The following CTNNA2 variants were observed in gnomAD, a reference collection of about 807,000 sequenced individuals.
CTNNA2 encodes the protein catenin alpha-2.
Under a neutral mutation model 101.0 loss-of-function variants are expected in CTNNA2, and 42 were observed. That is an observed-to-expected ratio of 0.42 (90% confidence interval 0.32 to 0.54). The LOEUF (loss-of-function observed/expected upper bound fraction) is 0.54, where lower values mean the gene tolerates loss of function less well. CTNNA2 is among the 20% of genes least tolerant of loss of function. The pLI, the probability that CTNNA2 is intolerant of heterozygous loss-of-function variation, is 0.14. For synonymous variants in CTNNA2, 450 were observed against 456.4 expected, an observed-to-expected ratio of 0.99 and a Z score of 0.18; for missense variants, 871 against 1,223.1, an observed-to-expected ratio of 0.71 and a Z score of 4.29.
chr2:79,470,372 T>G (rs1370712415), intron 4 of CTNNA2, among the ~76,000 whole-genome samples: 2 of 152,120 alleles, frequency 1.3e-5, no homozygotes, highest in African/African-American at 4.8e-5. Context: ...CTTTTCTCGA[T>G]AAAACTGTAA....
chr2:79,432,453 G>A (rs1678668459), intron 4 of CTNNA2, among the ~76,000 whole-genome samples: 2 of 152,140 alleles, frequency 1.3e-5, no homozygotes, highest in Admixed American at 1.3e-4. Context: ...TAATTATCTA[G>A]ATTTATGTTA....
intron 4 of CTNNA2, among the ~76,000 whole-genome samples, chr2:79,433,482 T>C (rs1198368338): frequency 6.6e-6 from 1 of 152,112 alleles, no homozygotes; most frequent in Non-Finnish European, 1.5e-5. Flanking sequence ...AATATTCATA[T>C]AAACACCAGG....
At chr2:80,633,411 G>A (rs553612564) in intron 18 of CTNNA2, among the ~76,000 whole-genome samples, 1 of 152,240 alleles carries the variant, frequency 6.6e-6, no homozygotes, top group Admixed American at 6.5e-5. Context: ...GGTGAATCCT[G>A]ATGGCAAGAT....
intron 3 of CTNNA2, among the ~76,000 whole-genome samples, chr2:79,790,620 A>T (rs1675198669): frequency 6.6e-6 from 1 of 152,212 alleles, no homozygotes; most frequent in African/African-American, 2.4e-5. Context: ...ATTACTTAGG[A>T]ATCAGAATGT....
intron 7 of CTNNA2, among the ~76,000 whole-genome samples, chr2:79,920,869 C>T (rs1376913352): frequency 6.6e-6 from 1 of 152,204 alleles, no homozygotes; most frequent in Non-Finnish European, 1.5e-5. Context: ...AGGGCTCCCC[C>T]AAGCTGCTCA....
chr2:80,109,712 C>T (rs1043698566), intron 7 of CTNNA2, among the ~76,000 whole-genome samples: 1 of 152,150 alleles, frequency 6.6e-6, no homozygotes, highest in Non-Finnish European at 1.5e-5. Context: ...GTGTGTGGCT[C>T]TTCAATCAAA....
intron 12 of CTNNA2, among the ~76,000 whole-genome samples, chr2:80,570,049 C>A (rs1414423716): frequency 2.0e-5 from 3 of 151,686 alleles, no homozygotes; most frequent in Non-Finnish European, 4.4e-5. Context: ...TTTTATGTCT[C>A]ATCACTCTTT....
chr2:80,547,649 G>A (rs959178671), intron 11 of CTNNA2, among the ~76,000 whole-genome samples: 4 of 149,706 alleles, frequency 2.7e-5, no homozygotes, highest in African/African-American at 7.4e-5. Context: ...ACCATATCTA[G>A]AGCTTAGCTG....
At chr2:79,272,869 C>G (rs1470400672) in intron 2 of CTNNA2, among the ~76,000 whole-genome samples, 1 of 152,026 alleles carries the variant, frequency 6.6e-6, no homozygotes, top group Admixed American at 6.6e-5. Context: ...ACACTCATCC[C>G]TATTTCAGAC....
intron 3 of CTNNA2, among the ~76,000 whole-genome samples, chr2:79,780,263 A>G (rs952422225): frequency 2.6e-5 from 4 of 152,216 alleles, no homozygotes; most frequent in African/African-American, 9.6e-5. Context: ...CCGGGCCACC[A>G]TGGCCACATG....
At chr2:79,880,113 A>G (rs1338356110) in intron 6 of CTNNA2, among the ~76,000 whole-genome samples, 1 of 152,098 alleles carries the variant, frequency 6.6e-6, no homozygotes, top group Non-Finnish European at 1.5e-5. Flanking sequence ...TATGTGATGG[A>G]TTACTTTTCT....
At chr2:80,118,055 C>G (rs932336516) in intron 7 of CTNNA2, among the ~76,000 whole-genome samples, 1 of 152,134 alleles carries the variant, frequency 6.6e-6, no homozygotes, top group Non-Finnish European at 1.5e-5. Flanking sequence ...AGTTCTTAAC[C>G]AAGACAGGCT....
Position 80,232,341 on chromosome 2 carries a change from G to GTTTTTTTTTTTTTT in CTNNA2, c.1057-160867_1057-160866insTTTTTTTTTTTTTT, listed in dbSNP as rs1286822049. Among the ~76,000 whole-genome samples, 32 of 82,024 alleles carry GTTTTTTTTTTTTTT rather than the reference G, an allele frequency of 3.9e-4. 1 individual carries two copies. The East Asian group carries it at 4.3e-3, about 11-fold the overall frequency. 53.8% of individuals were successfully genotyped at this position (82,024 alleles called of 152,430 possible). A position where few individuals can be genotyped will look rare whatever the true frequency, so the allele number is the denominator to read the frequency against. On this transcript the variant is annotated intron_variant, in intron 7 of 18. Coordinates refer to ENST00000402739, the MANE Select transcript of CTNNA2 (RefSeq NM_001282597.3). ...TTGGGTTTTGTTTGTTTGTTTGTTT[G>GTTTTTTTTTTTTTT]TTTGTTTTTTTTTTTTTTTTTTTTT... is the stretch of plus-strand genomic sequence containing the variant.
chr2:79,403,118 G>A (rs1014335337), intron 4 of CTNNA2, among the ~76,000 whole-genome samples: 5 of 151,566 alleles, frequency 3.3e-5, no homozygotes, highest in African/African-American at 7.3e-5. Flanking sequence ...AAAAACTAAA[G>A]CATAAATAAA....
intron 7 of CTNNA2, among the ~76,000 whole-genome samples, chr2:80,028,557 A>C (rs1163525927): frequency 6.6e-6 from 1 of 152,242 alleles, no homozygotes; most frequent in South Asian, 2.1e-4. Flanking sequence ...TGGCCCCTCA[A>C]ATATGCCCAC....
At chr2:80,480,818 T>C (rs1420534836) in intron 9 of CTNNA2, among the ~76,000 whole-genome samples, 1 of 152,098 alleles carries the variant, frequency 6.6e-6, no homozygotes, top group Non-Finnish European at 1.5e-5. Context: ...AAAAGGACCC[T>C]CTATTTTTCC....
At chr2:79,996,216 G>A (rs1692533202) in intron 7 of CTNNA2, among the ~76,000 whole-genome samples, 1 of 152,174 alleles carries the variant, frequency 6.6e-6, no homozygotes, top group African/African-American at 2.4e-5. Flanking sequence ...TGATGTGTGA[G>A]TACCACATAA....
intron 4 of CTNNA2, among the ~76,000 whole-genome samples, chr2:79,393,873 T>C (rs1316101990): frequency 6.6e-6 from 1 of 152,096 alleles, no homozygotes; most frequent in African/African-American, 2.4e-5. Flanking sequence ...TGTCCAACCC[T>C]GCAGGGCTGC....
chr2:80,430,328 C>T (rs570717382), intron 9 of CTNNA2, among the ~76,000 whole-genome samples: 1 of 152,256 alleles, frequency 6.6e-6, no homozygotes, highest in East Asian at 1.9e-4. Flanking sequence ...GTAATGTTCA[C>T]ACATTATCTC....
Sources: allele counts gnomAD v4.1 joint callset (sites outside exome capture counted in the v4.1 genomes callset), GRCh38; gene constraint gnomAD v4.1.1; transcripts MANE v1.5; gene names NCBI Gene and HGNC (gene_info 2026-07-23, HGNC 2026-07-21).